ROBO2: variants seen among roughly 807,000 people sequenced by gnomAD.
ROBO2 encodes roundabout guidance receptor 2.
ROBO2 carries 53 observed loss-of-function variants against 160.8 expected under a neutral mutation model. That is an observed-to-expected ratio of 0.33 (90% CI 0.26 to 0.41). ROBO2 has a LOEUF of 0.41. Among genes scored for constraint, ROBO2 ranks in the 10% least tolerant of loss-of-function variants. The pLI, the probability that ROBO2 is intolerant of heterozygous loss-of-function variation, is 1.00. For missense variants in ROBO2, 1,577 were observed against 1,722.4 expected, an observed-to-expected ratio of 0.92 and a Z score of 1.49; for synonymous variants, 664 against 611.7, an observed-to-expected ratio of 1.09 and a Z score of -1.26.
chr3:76,005,537 T>C (rs2065996379), intron 2 of ROBO2, among the ~76,000 whole-genome samples: 1 of 152,180 alleles, frequency 6.6e-6, no homozygotes, highest in Admixed American at 6.5e-5. Context: ...CATAACAAAA[T>C]AAATTGGGAG....
chr3:77,542,616 C>T (rs933716235), intron 6 of ROBO2, among the ~76,000 whole-genome samples: 4 of 152,016 alleles, frequency 2.6e-5, no homozygotes, highest in Non-Finnish European at 5.9e-5. Context: ...GGTAAAAGTT[C>T]CAGAAATTAT....
At chr3:77,069,576 AT>A (rs2067196659) in intron 1 of ROBO2, among the ~76,000 whole-genome samples, 2 of 152,234 alleles carry the variant, frequency 1.3e-5, no homozygotes, top group African/African-American at 4.8e-5. Context: ...TCAGTCATTC[AT>A]GCATAGACTA....
intron 1 of ROBO2, among the ~76,000 whole-genome samples, chr3:77,077,347 T>C (rs2068120083): frequency 6.6e-6 from 1 of 152,240 alleles, no homozygotes; most frequent in Admixed American, 6.5e-5. Context: ...TCATTGAAAG[T>C]GAATTAAACA....
At chr3:77,163,245 T>C (rs2078655866) in intron 2 of ROBO2, among the ~76,000 whole-genome samples, 1 of 152,242 alleles carries the variant, frequency 6.6e-6, no homozygotes, top group Middle Eastern at 3.2e-3. Context: ...CTATCAGCTT[T>C]TAAAATGTAT....
chr3:77,558,181 C>A, intron 9 of ROBO2, 32 bp downstream of exon 10: 3 of 1,557,830 alleles, frequency 1.9e-6, no homozygotes, highest in Non-Finnish European at 2.7e-6. Flanking sequence ...CATGAATTAT[C>A]ATCTACACAT....
chr3:76,083,278 T>C (rs925399016), intron 2 of ROBO2, among the ~76,000 whole-genome samples: 1 of 152,156 alleles, frequency 6.6e-6, no homozygotes, highest in African/African-American at 2.4e-5. Context: ...AAAAGTCATA[T>C]GAATAGTGGG....
intron 2 of ROBO2, among the ~76,000 whole-genome samples, chr3:76,083,846 T>G (rs1464261426): frequency 6.6e-6 from 1 of 152,164 alleles, no homozygotes; most frequent in Non-Finnish European, 1.5e-5. Context: ...GTCACCAAAA[T>G]TCCATTATGG....
intron 2 of ROBO2, among the ~76,000 whole-genome samples, chr3:76,420,351 G>T (rs1373232392): frequency 6.6e-6 from 1 of 152,036 alleles, no homozygotes; most frequent in Non-Finnish European, 1.5e-5. Context: ...TATCAGTTTT[G>T]CTTGTGTTGG....
intron 2 of ROBO2, among the ~76,000 whole-genome samples, chr3:76,850,348 G>A (rs1026170213): frequency 1.3e-5 from 2 of 151,926 alleles, no homozygotes; most frequent in East Asian, 3.9e-4. Flanking sequence ...TTAACCCTGC[G>A]CTGAGTACTT....
chr3:76,736,701 A>G (rs1185759801), intron 2 of ROBO2, among the ~76,000 whole-genome samples: 1 of 152,196 alleles, frequency 6.6e-6, no homozygotes, highest in African/African-American at 2.4e-5. Context: ...TCTTTTGAGG[A>G]CATTACCCAT....
chr3:76,335,671 G>A (rs1431583575), intron 2 of ROBO2, among the ~76,000 whole-genome samples: 8 of 151,306 alleles, frequency 5.3e-5, no homozygotes, highest in African/African-American at 1.7e-4. Flanking sequence ...TCCACCTCCC[G>A]GGTTCACGCC....
chr3:76,745,107 T>G (rs983797516), intron 2 of ROBO2, among the ~76,000 whole-genome samples: 1 of 152,186 alleles, frequency 6.6e-6, no homozygotes, highest in Non-Finnish European at 1.5e-5. Context: ...TTAAGTATAT[T>G]TGAGGATTAA....
intron 2 of ROBO2, among the ~76,000 whole-genome samples, chr3:76,806,626 G>A (rs1256698903): frequency 1.3e-5 from 2 of 152,032 alleles, no homozygotes; most frequent in East Asian, 1.9e-4. Flanking sequence ...AAAACGATTG[G>A]CACACTCGTC....
rs191963135 is a variant in ROBO2 at position 76,218,973 on chromosome 3, C to G, written c.109+281371C>G. 3.3e-3 allele frequency among the ~76,000 whole-genome samples: 509 copies of G among 152,224 alleles called. 2 individuals carry two copies. Among genetic ancestry groups the G allele is most frequent in the Admixed American group, 5.8e-3 (88 of 15,288 alleles). ...CTGGTACCAAAACAGAGATATAGAT[C>G]AATGGAACAGAACAGAGCCCTCAGA... On this transcript the variant is annotated intron_variant, in intron 2 of 26. Transcript: ENST00000487694.
chr3:76,068,528 G>A (rs1165154952), intron 2 of ROBO2, among the ~76,000 whole-genome samples: 1 of 152,104 alleles, frequency 6.6e-6, no homozygotes, highest in Non-Finnish European at 1.5e-5. Flanking sequence ...ATTAATGCAG[G>A]AACATTATTC....
At chr3:77,498,919 C>T (rs1197564356) in intron 5 of ROBO2, among the ~76,000 whole-genome samples, 2 of 152,048 alleles carry the variant, frequency 1.3e-5, no homozygotes, top group African/African-American at 4.8e-5. Flanking sequence ...AGGAGAAAAG[C>T]AATGAAGCAA....
chr3:77,110,942 C>T (rs2073499056), intron 2 of ROBO2, among the ~76,000 whole-genome samples: 1 of 152,080 alleles, frequency 6.6e-6, no homozygotes, highest in South Asian at 2.1e-4. Context: ...TATCCAACTG[C>T]CTTGGTCTCC....
chr3:76,393,286 C>G (rs1487170893), intron 2 of ROBO2, among the ~76,000 whole-genome samples: 2 of 152,054 alleles, frequency 1.3e-5, no homozygotes, highest in African/African-American at 4.8e-5. Flanking sequence ...AACAGTAAGT[C>G]CCTCATTGAA....
intron 2 of ROBO2, among the ~76,000 whole-genome samples, chr3:76,366,189 T>TC (rs1406392759): frequency 6.6e-6 from 1 of 152,008 alleles, no homozygotes; most frequent in Non-Finnish European, 1.5e-5. Flanking sequence ...TTCCCAACAG[T>TC]CTCCTTTTCA....
Sources: allele counts gnomAD v4.1 joint callset (sites outside exome capture counted in the v4.1 genomes callset), GRCh38; gene constraint gnomAD v4.1.1; transcripts MANE v1.5; gene names NCBI Gene and HGNC (gene_info 2026-07-23, HGNC 2026-07-21).